Variants in SIRT3 observed in about 807,000 individuals in gnomAD.
SIRT3 encodes the protein NAD-dependent protein deacetylase sirtuin-3, mitochondrial.
Under a neutral mutation model 33.5 loss-of-function variants are expected in SIRT3, and 26 were observed. The ratio of observed to expected loss-of-function variants is 0.78; its 90% CI spans 0.57 to 1.08. The LOEUF (loss-of-function observed/expected upper bound fraction) is 1.08, where lower values mean the gene tolerates loss of function less well. SIRT3 is among the 50% of genes least tolerant of loss of function. SIRT3 has a pLI of 0.00. For missense variants in SIRT3, 585 were observed against 530.1 expected, an observed-to-expected ratio of 1.10 and a Z score of -1.02; for synonymous variants, 237 against 222.1, an observed-to-expected ratio of 1.07 and a Z score of -0.60.
chr11:230,211 C>CAAAAAA (rs752924694), intron 4 of SIRT3, among the ~76,000 whole-genome samples: 1 of 113,660 alleles, frequency 8.8e-6, no homozygotes, highest in Admixed American at 9.1e-5. Flanking sequence ...GACTCAATCT[C>CAAAAAA]AAAAAAAAAA....
intron 1 of SIRT3, among the ~76,000 whole-genome samples, chr11:234,678 G>C (rs955841065): frequency 1.3e-5 from 2 of 152,168 alleles, no homozygotes; most frequent in African/African-American, 4.8e-5. Context: ...GCCTTCCAAA[G>C]TGCTGGAATT....
Position 223,826 on chromosome 11 carries a change from C to G in SIRT3, c.969+252G>C. ...TCCTGTACCCCTCCCTTCCCCTGCCCTCCAGCCTCCTCCCTGCACAGGCCT... is the reference window on the plus strand; with the variant it reads ...TCCTGTACCCCTCCCTTCCCCTGCCGTCCAGCCTCCTCCCTGCACAGGCCT... On this transcript the variant is annotated intron_variant, in intron 5 of 6. Coordinates refer to ENST00000382743, the MANE Select transcript of SIRT3 (RefSeq NM_012239.6). The surrounding 1 kb of genome is among the most constrained non-coding windows in gnomAD (Gnocchi z 4.8). 1 of 793,106 alleles carries G rather than the reference C, an allele frequency of 1.3e-6. No individual in the cohort carries two copies. The highest frequency in any genetic ancestry group is 2.2e-6 in the Non-Finnish European group (1 of 463,682). The allele number at this position is 793,106 out of a possible 1,614,324, so 49.1% of individuals were successfully genotyped here. A position where few individuals can be genotyped will look rare whatever the true frequency, so the allele number is the denominator to read the frequency against.
At chr11:216,809 A>G in intron 6 of SIRT3, 91 bp from the exon 7 acceptor site, 5 of 1,355,844 alleles carry the variant, frequency 3.7e-6, no homozygotes, top group Non-Finnish European at 5.3e-6. Flanking sequence ...AGCTGCAGAC[A>G]TGCAAAATAT....
At chr11:235,338 T>C (rs1238100702) in intron 1 of SIRT3, among the ~76,000 whole-genome samples, 1 of 152,188 alleles carries the variant, frequency 6.6e-6, no homozygotes, top group East Asian at 1.9e-4. Context: ...CAGGAGTAAC[T>C]GGGACAACAG....
At chr11:233,735 C>G in intron 1 of SIRT3, 1 of 578,700 alleles carries the variant, frequency 1.7e-6, no homozygotes, top group South Asian at 2.3e-5. Flanking sequence ...GAAATCAAGA[C>G]TTACTTGGGA....
chr11:227,361 C>T (rs1356241229), intron 4 of SIRT3, among the ~76,000 whole-genome samples: 1 of 151,488 alleles, frequency 6.6e-6, no homozygotes, highest in South Asian at 2.1e-4. Flanking sequence ...TCGCTTGAAC[C>T]TGAGAGGGGG....
chr11:234,228 G>C (rs1858546248), intron 1 of SIRT3, among the ~76,000 whole-genome samples: 1 of 152,308 alleles, frequency 6.6e-6, no homozygotes, highest in East Asian at 1.9e-4. Context: ...ACTGGGAGTG[G>C]GGGACCCTGA....
Position 218,464 on chromosome 11 carries a change from T to TTAGCTTC in SIRT3, c.1179+361_1179+367dup, listed in dbSNP as rs560715052. ...TCATCCCACATAGATGCAGAGAACT[T>TTAGCTTC]TAGCTTCTCAAAGTTCTTTAACCCG... On this transcript the variant is annotated intron_variant, in intron 6 of 6. Transcript: ENST00000382743. 5.3e-5 allele frequency among the ~76,000 whole-genome samples: 8 copies of TTAGCTTC among 152,318 alleles called. No homozygotes were observed. The South Asian group carries it at 1.2e-3, about 24-fold the overall frequency.
Position 219,007 on chromosome 11 carries a change from C to A in SIRT3, c.1004G>T (p.Arg335Leu), listed in dbSNP as rs755367349. ...GATGAGCAGTCGGGGAACTGAGCTC[C>A]GCACGGCCTCGGTCAAGCTGGCAAA... ...EPFASLTEAVRSSVPRLLINR... is the reference protein window; with the variant it reads ...EPFASLTEAVLSSVPRLLINR... Residue 335 changes from arginine (R) to leucine (L), a missense_variant, in exon 6 of 7, where the codon CGG (arginine) becomes CTG (leucine). Physicochemically the swap from Arg to Leu is moderately radical, Grantham distance 102. Coordinates refer to ENST00000382743, the MANE Select transcript of SIRT3 (RefSeq NM_012239.6). 1 of 1,613,962 alleles carries A rather than the reference C, an allele frequency of 6.2e-7. No individual in the cohort carries two copies. Among genetic ancestry groups the A allele is most frequent in the Non-Finnish European group, 8.5e-7 (1 of 1,180,006 alleles).
intron 5 of SIRT3, chr11:222,746 CCTT>C (rs1856608936): frequency 6.6e-6 from 1 of 152,612 alleles, no homozygotes; most frequent in African/African-American, 2.4e-5. Context: ...TTGTGCCCCA[CCTT>C]CTTCTCTGCT....
chr11:226,956 T>G (rs1857262342), intron 4 of SIRT3, among the ~76,000 whole-genome samples: 1 of 151,236 alleles, frequency 6.6e-6, no homozygotes, highest in Admixed American at 6.6e-5. Flanking sequence ...TTTCTCCATG[T>G]TGGTCAGGCT....
At chr11:219,614 C>A (rs1237446543) in intron 5 of SIRT3, among the ~76,000 whole-genome samples, 1 of 56,976 alleles carries the variant, frequency 1.8e-5, no homozygotes, top group African/African-American at 1.0e-4. Flanking sequence ...TTAAGAGGAA[C>A]AAGGTAAAAA....
chr11:221,853 A>T (rs1481453982), intron 5 of SIRT3, among the ~76,000 whole-genome samples: 2 of 151,302 alleles, frequency 1.3e-5, no homozygotes, highest in Non-Finnish European at 3.0e-5. Context: ...AGTGCTGTCC[A>T]ACTTTTAGTT....
At chr11:230,119 A>C (rs779678176) in intron 4 of SIRT3, among the ~76,000 whole-genome samples, 3 of 151,748 alleles carry the variant, frequency 2.0e-5, no homozygotes, top group Admixed American at 6.6e-5. Flanking sequence ...AGGCTGAGGC[A>C]GAAGAATTCC....
intron 6 of SIRT3, among the ~76,000 whole-genome samples, chr11:218,113 C>A (rs1184049704): frequency 1.3e-5 from 2 of 152,202 alleles, no homozygotes; most frequent in Non-Finnish European, 2.9e-5. Context: ...ATAAATTACC[C>A]AGTCTCAGGT....
At chr11:232,672 A>C (rs1243133653) in intron 3 of SIRT3, among the ~76,000 whole-genome samples, 3 of 152,156 alleles carry the variant, frequency 2.0e-5, no homozygotes, top group African/African-American at 4.8e-5. Flanking sequence ...GAGAAGAAAA[A>C]AAGAGATCAT....
intron 4 of SIRT3, among the ~76,000 whole-genome samples, chr11:224,880 A>G (rs926330997): frequency 2.0e-5 from 3 of 151,998 alleles, no homozygotes; most frequent in Non-Finnish European, 4.4e-5. Flanking sequence ...AGAGGAAGAC[A>G]CCTGACTTTC....
chr11:219,084 C>T lies in SIRT3; in HGVS notation c.970-43G>A, dbSNP rs760475653. ...CGTGAGGGGCACAGTGTCCACTTTA[C>T]AAGCTCCTCAGGATGTTTCATGCCA... On this transcript the variant is annotated intron_variant, in intron 5 of 6. Transcript: ENST00000382743. The T allele has an allele frequency of 6.4e-6, 10 of 1,560,920 alleles. No individual in the cohort carries two copies. In the African/African-American group the frequency reaches 9.5e-5, roughly 15 times the overall value.
At chr11:225,702 C>T (rs1307647264) in intron 4 of SIRT3, 2 of 152,268 alleles carry the variant, frequency 1.3e-5, no homozygotes, top group South Asian at 2.1e-4. Context: ...GCAGCAATTA[C>T]AGGACAGAAG....
Sources: gnomAD v4.1 joint callset for allele counts (sites outside exome capture counted in the v4.1 genomes callset) on GRCh38, gnomAD v4.1.1 for gene constraint, Gnocchi (gnomAD v3.1) non-coding constraint, MANE v1.5 for transcripts, NCBI Gene and HGNC (gene_info 2026-07-23, HGNC 2026-07-21) for gene names.